ABCG2: variants seen among roughly 807,000 people sequenced by gnomAD.
ABCG2 encodes the protein broad substrate specificity ATP-binding cassette transporter ABCG2.
A neutral mutation model predicts 73.5 loss-of-function variants in ABCG2; 80 were observed. That is an observed-to-expected ratio of 1.09 (90% CI 0.91 to 1.31). The LOEUF is 1.31. Among genes scored for constraint, ABCG2 ranks in the 50% most tolerant of loss-of-function variants. The probability of loss-of-function intolerance (pLI) is 0.00; values close to 1 mark genes in which losing one functional copy is unlikely to be tolerated. For synonymous variants in ABCG2, 269 were observed against 282.4 expected (o/e 0.95, Z 0.48); for missense variants, 796 against 786.2 (o/e 1.01, Z -0.15).
At position 88,187,124 on chromosome 4, in the gene ABCG2, G is replaced by T. The variant is rs541676562; in HGVS notation, c.-20+43870C>A. 1.6e-3 allele frequency among the ~76,000 whole-genome samples: 228 copies of T among 144,046 alleles called. 1 individual carries two copies. Among genetic ancestry groups the T allele is most frequent in the African/African-American group, 5.8e-3 (223 of 38,668 alleles). 94.5% of individuals were successfully genotyped at this position (144,046 alleles called of 152,430 possible). On this transcript the variant is annotated intron_variant, in intron 1 of 15. Transcript: ENST00000515655. ...AAAAAAAAAAAAAAAAAAAAAAAAG[G>T]TGGTTACCAGAGACTGGGAAGGTAG... is the stretch of plus-strand genomic sequence containing the variant.
chr4:88,114,792 A>G (rs1723412203), intron 8 of ABCG2, among the ~76,000 whole-genome samples, 165 bp downstream of exon 8: 1 of 152,186 alleles, frequency 6.6e-6, no homozygotes, highest in Non-Finnish European at 1.5e-5. Flanking sequence ...TAAATTAATC[A>G]AAAACACCAA....
chr4:88,105,049 A>G (rs1722683634), intron 10 of ABCG2, among the ~76,000 whole-genome samples: 1 of 152,168 alleles, frequency 6.6e-6, no homozygotes, highest in South Asian at 2.1e-4. Flanking sequence ...GCATCTACAC[A>G]GCACACAAAC....
intron 1 of ABCG2, among the ~76,000 whole-genome samples, chr4:88,153,451 A>G (rs28856119): frequency 0.4 from 58,282 of 145,676 alleles, 12,677 homozygotes; most frequent in East Asian, 0.64. Context: ...TAAAAGTATT[A>G]TCCAGTCCTT....
rs1721659342 is a variant in ABCG2, at chr4:88,091,820, T to C, written c.*414A>G. On this transcript the variant is annotated 3_prime_UTR_variant, in exon 16 of 16. Transcript: ENST00000237612. Reference sequence around the variant, plus strand: ...CATTTCCAGTATAGCATTAATACATTTGTCATTTATTAAATAATGGCAAAC... The same window carrying C: ...CATTTCCAGTATAGCATTAATACATCTGTCATTTATTAAATAATGGCAAAC... 1 of 156,416 alleles carries C rather than the reference T, an allele frequency of 6.4e-6. No individual in the cohort carries two copies. Among genetic ancestry groups the C allele is most frequent in the Admixed American group, 6.3e-5 (1 of 15,994 alleles). 9.7% of individuals were successfully genotyped at this position (156,416 alleles called of 1,614,324 possible). A position where few individuals can be genotyped will look rare whatever the true frequency, so the allele number is the denominator to read the frequency against.
intron 13 of ABCG2, among the ~76,000 whole-genome samples, chr4:88,096,783 T>C (rs1285482587): frequency 6.6e-6 from 1 of 151,850 alleles, no homozygotes; most frequent in Non-Finnish European, 1.5e-5. Context: ...ACATATTGAA[T>C]GTCAGGAACG....
intron 5 of ABCG2, 90 bp from the exon 6 acceptor site, chr4:88,121,882 C>A (rs1724021253): frequency 1.6e-6 from 2 of 1,257,982 alleles, no homozygotes; most frequent in African/African-American, 1.5e-5. Flanking sequence ...GTAAGAGACA[C>A]TTTATCTCAT....
chr4:88,196,047 A>G (rs935265328), intron 1 of ABCG2, among the ~76,000 whole-genome samples: 2 of 152,170 alleles, frequency 1.3e-5, no homozygotes, highest in Admixed American at 1.3e-4. Flanking sequence ...CCCTGGCGCC[A>G]GCTGCAACCA....
chr4:88,155,084 A>G (rs1726846798), intron 1 of ABCG2, among the ~76,000 whole-genome samples: 1 of 152,124 alleles, frequency 6.6e-6, no homozygotes, highest in Admixed American at 6.5e-5. Flanking sequence ...GGTGGGGGGC[A>G]GTCTCTAAAG....
chr4:88,133,414 A>T (rs571704940), intron 2 of ABCG2, among the ~76,000 whole-genome samples: 1 of 152,342 alleles, frequency 6.6e-6, no homozygotes, highest in African/African-American at 2.4e-5. Flanking sequence ...TATCCTCAAG[A>T]TATATCATTT....
chr4:88,131,526 G>A (rs1724876186), intron 4 of ABCG2, among the ~76,000 whole-genome samples: 2 of 152,102 alleles, frequency 1.3e-5, no homozygotes, highest in Admixed American at 6.5e-5. Context: ...GGAAAAGAAA[G>A]GTGAAGGAAA....
intron 1 of ABCG2, among the ~76,000 whole-genome samples, chr4:88,150,081 G>A (rs145563886): frequency 1.1e-4 from 16 of 152,250 alleles, no homozygotes; most frequent in Non-Finnish European, 2.1e-4. Flanking sequence ...TTGGGAGGCC[G>A]AGGTGGGTGG....
chr4:88,218,668 T>A (rs535722255), intron 1 of ABCG2, among the ~76,000 whole-genome samples: 1 of 152,224 alleles, frequency 6.6e-6, no homozygotes, highest in African/African-American at 2.4e-5. Context: ...AGCCCCTACT[T>A]ATGAGTGAGA....
intron 9 of ABCG2, among the ~76,000 whole-genome samples, chr4:88,109,770 A>T (rs1723008843): frequency 6.6e-6 from 1 of 152,224 alleles, no homozygotes; most frequent in South Asian, 2.1e-4. Flanking sequence ...AACAGATTCA[A>T]GATTTATCAG....
chr4:88,097,859 TA>T (rs1175348468), intron 12 of ABCG2, among the ~76,000 whole-genome samples: 1 of 152,258 alleles, frequency 6.6e-6, no homozygotes, highest in Admixed American at 6.5e-5. Flanking sequence ...GATGAAGAGC[TA>T]CAGGCAGTAC....
rs528655917 is a variant in ABCG2 at position 88,131,113 on chromosome 4, C to A, written c.479G>T (p.Arg160Leu). 1 of 1,613,960 alleles carries A rather than the reference C, an allele frequency of 6.2e-7. No individual in the cohort carries two copies. The highest frequency in any genetic ancestry group is 1.1e-5 in the South Asian group (1 of 91,086). The stretch of plus-strand genomic sequence containing the variant: ...TAACTCTTGAATGACCCTGTTAATC[C>A]GTTCGTTTTTTTCATGATTCGTCAT... Reference protein sequence around the residue: ...TTMTNHEKNERINRVIQELGL... With the variant: ...TTMTNHEKNELINRVIQELGL... Residue 160 changes from arginine to leucine, a missense_variant, in exon 5 of 16, where the codon CGG (arginine) becomes CTG (leucine). Transcript: ENST00000237612.
chr4:88,158,767 G>C (rs1578244285), upstream of ABCG2: 1 of 368,594 alleles, frequency 2.7e-6, no homozygotes, highest in East Asian at 9.1e-5. Flanking sequence ...GGCCGGCGTG[G>C]GAGGCGCTGC....
chr4:88,093,446 G>A (rs572415115), intron 15 of ABCG2, among the ~76,000 whole-genome samples: 1 of 147,310 alleles, frequency 6.8e-6, no homozygotes, highest in South Asian at 2.1e-4. Context: ...GGAGCTTGCA[G>A]TGAGCGGACA....
upstream of ABCG2, chr4:88,158,757 G>A: frequency 2.6e-6 from 1 of 380,710 alleles, no homozygotes; most frequent in Non-Finnish European, 5.1e-6. Context: ...CTCGCGCGGC[G>A]GCCGGCGTGG....
At position 88,107,084 on chromosome 4, in the gene ABCG2, T is replaced by G. The variant is rs35518113; in HGVS notation, c.1277+100A>C. 4.0e-3 allele frequency: 3,531 copies of G among 880,452 alleles called. 17 individuals carry two copies. The highest frequency in any genetic ancestry group is 5.4e-3 in the Non-Finnish European group (3,074 of 565,996). 54.5% of individuals were successfully genotyped at this position (880,452 alleles called of 1,614,324 possible). ...TCCTACCCTCAATAAAAGAATGACA[T>G]TTACACTATACTTGTCTTAAATTCA... is the stretch of plus-strand genomic sequence containing the variant. On this transcript the variant is annotated intron_variant, in intron 10 of 15. Transcript: ENST00000237612.
Sources: allele counts gnomAD v4.1 joint callset (sites outside exome capture counted in the v4.1 genomes callset), GRCh38; gene constraint gnomAD v4.1.1; transcripts MANE v1.5; gene names NCBI Gene and HGNC (gene_info 2026-07-23, HGNC 2026-07-21).